The following AUTS2 variants were observed in gnomAD, a reference collection of about 807,000 sequenced individuals.
The protein encoded by AUTS2 is autism susceptibility gene 2 protein.
AUTS2 carries 17 observed loss-of-function variants against 112.4 expected under a neutral mutation model. That is an observed-to-expected ratio of 0.15 (90% confidence interval 0.10 to 0.23). AUTS2 has a LOEUF of 0.23. AUTS2 is among the 10% of genes least tolerant of loss of function. The pLI is 1.00. For missense variants in AUTS2, 1,510 were observed against 1,701.6 expected, an observed-to-expected ratio of 0.89 and a Z score of 1.98; for synonymous variants, 751 against 702.7, an observed-to-expected ratio of 1.07 and a Z score of -1.09.
At chr7:70,060,273 A>G (rs1284985421) in intron 2 of AUTS2, among the ~76,000 whole-genome samples, 1 of 152,252 alleles carries the variant, frequency 6.6e-6, no homozygotes, top group Non-Finnish European at 1.5e-5. Context: ...TGCTAGATAA[A>G]GAGAAGAACA....
intron 5 of AUTS2, among the ~76,000 whole-genome samples, chr7:70,445,023 C>G (rs757276267): frequency 2.6e-5 from 4 of 152,176 alleles, no homozygotes; most frequent in Admixed American, 2.6e-4. Flanking sequence ...ATAAGCACCA[C>G]TTCACATGAA....
At chr7:70,265,915 A>G (rs1787399878) in intron 4 of AUTS2, among the ~76,000 whole-genome samples, 1 of 152,208 alleles carries the variant, frequency 6.6e-6, no homozygotes, top group Non-Finnish European at 1.5e-5. Flanking sequence ...ATTTCTCAGT[A>G]AGGCCCAAAT....
At chr7:70,467,797 G>A (rs1166567771) in intron 5 of AUTS2, among the ~76,000 whole-genome samples, 1 of 152,188 alleles carries the variant, frequency 6.6e-6, no homozygotes, top group African/African-American at 2.4e-5. Context: ...AACCTCCACT[G>A]CTAGAGGGAC....
At chr7:70,118,017 G>A (rs1328240628) in intron 2 of AUTS2, 115 bp from the exon 3 acceptor site, 2 of 1,277,448 alleles carry the variant, frequency 1.6e-6, no homozygotes, top group Admixed American at 7.3e-5. Flanking sequence ...GAAAGTGCTG[G>A]GATTACAGGC....
intron 2 of AUTS2, among the ~76,000 whole-genome samples, chr7:70,009,212 C>T (rs1331758858): frequency 6.6e-6 from 1 of 152,126 alleles, no homozygotes; most frequent in Non-Finnish European, 1.5e-5. Context: ...TAACAACCCA[C>T]TCTCGCAATA....
chr7:69,833,006 A>C (rs1791566794), intron 1 of AUTS2, among the ~76,000 whole-genome samples: 1 of 152,160 alleles, frequency 6.6e-6, no homozygotes, highest in Admixed American at 6.5e-5. Context: ...GTCCACAAGG[A>C]GCTTCTAGGA....
At chr7:69,820,343 G>C (rs190912332) in intron 1 of AUTS2, among the ~76,000 whole-genome samples, 1 of 152,232 alleles carries the variant, frequency 6.6e-6, no homozygotes, top group Admixed American at 6.5e-5. Flanking sequence ...TAGGTCAGTG[G>C]TTCTCTAAGT....
intron 6 of AUTS2, 97 bp from the exon 7 acceptor site, chr7:70,762,773 G>C: frequency 1.1e-6 from 1 of 912,654 alleles, no homozygotes; most frequent in Non-Finnish European, 1.8e-6. Context: ...AGGTCCTGTT[G>C]CTGGAGTTGT....
chr7:70,191,575 G>C (rs759194956), intron 4 of AUTS2, among the ~76,000 whole-genome samples: 4 of 152,172 alleles, frequency 2.6e-5, no homozygotes, highest in Non-Finnish European at 5.9e-5. Context: ...TGCATTGCAG[G>C]AATGTGCGTA....
chr7:70,503,642 C>T (rs969608724), intron 5 of AUTS2, among the ~76,000 whole-genome samples: 1 of 151,390 alleles, frequency 6.6e-6, no homozygotes, highest in Non-Finnish European at 1.5e-5. Flanking sequence ...CTCAGCCTCC[C>T]AAGCAGCTGG....
At chr7:69,759,067 C>G (rs894067541) in intron 1 of AUTS2, among the ~76,000 whole-genome samples, 8 of 152,084 alleles carry the variant, frequency 5.3e-5, no homozygotes, top group Non-Finnish European at 1.0e-4. Flanking sequence ...ACAACCCTAC[C>G]AGATGTAGGT....
intron 6 of AUTS2, among the ~76,000 whole-genome samples, chr7:70,739,804 TA>T (rs35729505): frequency 0.11 from 15,696 of 139,154 alleles, 1,043 homozygotes; most frequent in South Asian, 0.2. Context: ...CTCTAATTGT[TA>T]AAAAAAAAAA....
intron 1 of AUTS2, among the ~76,000 whole-genome samples, chr7:69,743,275 G>A (rs1236968063): frequency 6.6e-6 from 1 of 152,198 alleles, no homozygotes; most frequent in African/African-American, 2.4e-5. Flanking sequence ...AGACCTGAGA[G>A]CATGCATGAC....
intron 4 of AUTS2, among the ~76,000 whole-genome samples, chr7:70,235,498 T>C (rs1812276696): frequency 6.6e-6 from 1 of 152,170 alleles, no homozygotes; most frequent in South Asian, 2.1e-4. Context: ...GAGGGGCTTA[T>C]AGGCTGCAAC....
intron 4 of AUTS2, among the ~76,000 whole-genome samples, chr7:70,157,691 G>A (rs997937968): frequency 1.3e-5 from 2 of 152,096 alleles, no homozygotes; most frequent in African/African-American, 4.8e-5. Context: ...GAAGATAGCT[G>A]GATGATGATG....
intron 4 of AUTS2, among the ~76,000 whole-genome samples, chr7:70,433,885 T>C (rs1330891989): frequency 1.3e-5 from 2 of 152,212 alleles, no homozygotes; most frequent in South Asian, 2.1e-4. Flanking sequence ...TTCTGTTACT[T>C]CCCATTAAAA....
rs3049737 is a variant in AUTS2, at chr7:70,081,935, AGTGTGTGTGTGTGTGT to A, written c.523-36181_523-36166del. ...AAAAACGGTAGATTTTTCTGTGAAG[AGTGTGTGTGTGTGTGT>A]GTGTGTGTGTGTGTGCGCGCGCCTG... On this transcript the variant is annotated intron_variant, in intron 2 of 18. Coordinates refer to ENST00000342771, the MANE Select transcript of AUTS2 (RefSeq NM_015570.4). Among the ~76,000 whole-genome samples, 976 of 146,880 alleles carry A rather than the reference AGTGTGTGTGTGTGTGT, an allele frequency of 6.6e-3. 10 individuals are homozygous for A. Among genetic ancestry groups the A allele is most frequent in the African/African-American group, 0.022 (885 of 39,824 alleles).
chr7:69,712,559 C>CCTTTTTATTGCTGAG (rs1265764322), intron 1 of AUTS2, among the ~76,000 whole-genome samples: 2 of 152,186 alleles, frequency 1.3e-5, no homozygotes, highest in Middle Eastern at 3.4e-3. Context: ...TTGATAATTT[C>CCTTTTTATTGCTGAG]CTTTTTATTG....
chr7:70,244,779 T>G (rs1812808290), intron 4 of AUTS2, among the ~76,000 whole-genome samples: 1 of 152,216 alleles, frequency 6.6e-6, no homozygotes, highest in Admixed American at 6.5e-5. Flanking sequence ...TTGATCCTTT[T>G]CTTTGTCTTT....
Sources: allele counts gnomAD v4.1 joint callset (sites outside exome capture counted in the v4.1 genomes callset), GRCh38; gene constraint gnomAD v4.1.1; transcripts MANE v1.5; gene names NCBI Gene and HGNC (gene_info 2026-07-23, HGNC 2026-07-21).